Variants in RPL15 observed in about 807,000 individuals in gnomAD.
RPL15 encodes the protein ribosomal protein L15, also known as large ribosomal subunit protein eL15.
For synonymous variants in RPL15, 97 were observed against 95.1 expected (o/e 1.02, Z -0.12); for missense variants, 161 against 271.8 (o/e 0.59, Z 2.87).
chr3:23,919,501 A>T lies in RPL15; in HGVS notation c.615A>T (p.Ter205TyrextTer3). ...RNTLQLHRYR[*>Y] ...CTCTCCAGCTCCACCGTTACCGCTA[A>T]TATAAGTAAAGTTTGTAAAATTCAT... Residue 205 changes from the stop codon to tyrosine (Y), a stop_lost, in exon 4 of 4, where the codon TAA becomes TAT. Transcript: ENST00000307839. 6 of 1,560,756 alleles carry T rather than the reference A, an allele frequency of 3.8e-6. No individual in the cohort carries two copies. Among genetic ancestry groups the T allele is most frequent in the Non-Finnish European group, 5.2e-6 (6 of 1,158,838 alleles).
intron 3 of RPL15, 43 bp from the exon 4 acceptor site, chr3:23,919,153 G>C: frequency 7.4e-7 from 1 of 1,358,248 alleles, no homozygotes; most frequent in South Asian, 1.2e-5. Context: ...TGCTGCTATA[G>C]GCAATGTGGG....
chr3:23,919,871 G>A lies in RPL15; in HGVS notation c.*370G>A. 1 of 1,001,450 alleles carries A rather than the reference G, an allele frequency of 1.0e-6. No individual in the cohort carries two copies. The highest frequency in any genetic ancestry group is 1.2e-6 in the Non-Finnish European group (1 of 840,754). The allele number at this position is 1,001,450 out of a possible 1,614,324, so 62.0% of individuals were successfully genotyped here. A position where few individuals can be genotyped will look rare whatever the true frequency, so the allele number is the denominator to read the frequency against. The stretch of plus-strand genomic sequence containing the variant: ...TCGGAGTGATGGCAATGCTCTGCTG[G>A]TTTATTTTCAAGTGGCTGCGTTTTT... On this transcript the variant is annotated 3_prime_UTR_variant, in exon 4 of 4. Transcript: ENST00000307839.
downstream of RPL15, chr3:23,923,647 T>C (rs1705155158): frequency 6.6e-6 from 1 of 152,210 alleles, no homozygotes; most frequent in Admixed American, 6.5e-5. Flanking sequence ...AAAAGAAAAA[T>C]GTGTGCATAC....
intron 2 of RPL15, 81 bp from the exon 3 acceptor site, chr3:23,918,359 G>T: frequency 6.8e-7 from 1 of 1,462,130 alleles, no homozygotes; most frequent in South Asian, 1.3e-5. Flanking sequence ...TATTTTTGGT[G>T]GAGTATTAGT....
At chr3:23,917,215 A>G (rs531388287) in intron 1 of RPL15, 42 bp downstream of exon 1, 1 of 152,870 alleles carries the variant, frequency 6.5e-6, no homozygotes, top group South Asian at 2.1e-4. Flanking sequence ...TCCGCCTTTG[A>G]TCGTCTTCCT....
chr3:23,921,795 G>C, downstream of RPL15: 1 of 572,092 alleles, frequency 1.7e-6, no homozygotes, highest in Non-Finnish European at 3.1e-6. Flanking sequence ...GGCTGGTCTC[G>C]AACTCCTGAC....
At chr3:23,918,390 G>T in intron 2 of RPL15, 50 bp from the exon 3 acceptor site, 2 of 1,595,496 alleles carry the variant, frequency 1.3e-6, no homozygotes, top group South Asian at 2.2e-5. Flanking sequence ...TGAGTCTTAA[G>T]CCTTACGGCT....
At chr3:23,916,822 G>A (rs1704576581), upstream of RPL15, 1 of 152,770 alleles carries the variant, frequency 6.5e-6, no homozygotes, top group African/African-American at 2.4e-5. Flanking sequence ...CGGCTCCACC[G>A]CGGTACGCGG....
At chr3:23,918,809 A>G (rs1350069149) in intron 3 of RPL15, 1 of 576,402 alleles carries the variant, frequency 1.7e-6, no homozygotes, top group African/African-American at 1.9e-5. Flanking sequence ...CGGCAAGAAT[A>G]TGCAGAAGAG....
chr3:23,920,536 C>G lies in RPL15; in HGVS notation c.*1035C>G. ...TGCATTTCTGTTTGCACCATGTCTT[C>G]CAGGAGACTAGACTACTGTTGTCCA... On this transcript the variant is annotated 3_prime_UTR_variant, in exon 4 of 4. Transcript: ENST00000307839. The G allele has an allele frequency of 1.0e-6, 1 of 985,296 alleles. No individual in the cohort carries two copies. The highest frequency in any genetic ancestry group is 1.2e-6 in the Non-Finnish European group (1 of 829,860). The allele number at this position is 985,296 out of a possible 1,614,324, so 61.0% of individuals were successfully genotyped here.
In RPL15 at chr3:23,919,505, A is replaced by G; in HGVS notation, c.*4A>G. On this transcript the variant is annotated 3_prime_UTR_variant, in exon 4 of 4. Transcript: ENST00000307839. ...CCAGCTCCACCGTTACCGCTAATAT[A>G]AGTAAAGTTTGTAAAATTCATACTT... The G allele has an allele frequency of 1.3e-6, 2 of 1,558,020 alleles. No homozygotes were observed. Among genetic ancestry groups the G allele is most frequent in the Admixed American group, 3.7e-5 (2 of 53,824 alleles).
chr3:23,923,516 G>T (rs1183302995), downstream of RPL15: 1 of 152,154 alleles, frequency 6.6e-6, no homozygotes, highest in African/African-American at 2.4e-5. Flanking sequence ...ACCGTGCCCG[G>T]CTGGAACTTC....
chr3:23,920,020 C>T lies in RPL15; in HGVS notation c.*519C>T. On this transcript the variant is annotated 3_prime_UTR_variant, in exon 4 of 4. Coordinates refer to ENST00000307839, the MANE Select transcript of RPL15 (RefSeq NM_002948.5). ...ACATAAAAGGTGAAAGCTCCTGGTTCAGTGCCATGGCTTCATGGCATTCAG... is the reference window on the plus strand; with the variant it reads ...ACATAAAAGGTGAAAGCTCCTGGTTTAGTGCCATGGCTTCATGGCATTCAG... 1 of 986,520 alleles carries T rather than the reference C, an allele frequency of 1.0e-6. No individual in the cohort carries two copies. The allele number at this position is 986,520 out of a possible 1,614,324, so 61.1% of individuals were successfully genotyped here.
chr3:23,916,835 A>G (rs1704579252), upstream of RPL15: 1 of 152,786 alleles, frequency 6.5e-6, no homozygotes, highest in Non-Finnish European at 1.5e-5. Context: ...GTACGCGGCC[A>G]CCGGCTTTGG....
At position 23,920,619 on chromosome 3, in the gene RPL15, A is replaced by C. The variant is rs1168763669; in HGVS notation, c.*1118A>C. 1 of 984,730 alleles carries C rather than the reference A, an allele frequency of 1.0e-6. No individual in the cohort carries two copies. Among genetic ancestry groups the C allele is most frequent in the Non-Finnish European group, 1.2e-6 (1 of 829,436 alleles). 61.0% of individuals were successfully genotyped at this position (984,730 alleles called of 1,614,324 possible). ...AGGAATTGCCCAATTTTAAATTCTG[A>C]CTTTGCTGACTTAATTTAAATGCTC... On this transcript the variant is annotated 3_prime_UTR_variant, in exon 4 of 4. Transcript: ENST00000307839.
chr3:23,920,665 T>A lies in RPL15; in HGVS notation c.*1164T>A, dbSNP rs770656628. 4.9e-5 allele frequency: 48 copies of A among 985,140 alleles called. No homozygotes were observed. Among genetic ancestry groups the A allele is most frequent in the Non-Finnish European group, 5.5e-5 (46 of 829,766 alleles). 61.0% of individuals were successfully genotyped at this position (985,140 alleles called of 1,614,324 possible). ...TGCTCGTTCTGAACCAATTTTCTCC[T>A]ATCTTCTCTAGGGGTTTCAAAAGAC... On this transcript the variant is annotated 3_prime_UTR_variant, in exon 4 of 4. Coordinates refer to ENST00000307839, the MANE Select transcript of RPL15 (RefSeq NM_002948.5).
Position 23,919,768 on chromosome 3 carries a change from A to T in RPL15, c.*267A>T. 1 of 1,162,538 alleles carries T rather than the reference A, an allele frequency of 8.6e-7. No homozygotes were observed. The highest frequency in any genetic ancestry group is 1.1e-6 in the Non-Finnish European group (1 of 943,218). The allele number at this position is 1,162,538 out of a possible 1,614,324, so 72.0% of individuals were successfully genotyped here. A position where few individuals can be genotyped will look rare whatever the true frequency, so the allele number is the denominator to read the frequency against. ...ACATACTGTGTGGTATAACAGGCTT[A>T]ATAAATTCTTTAAAAGGAGAGAACT... On this transcript the variant is annotated 3_prime_UTR_variant, in exon 4 of 4. Coordinates refer to ENST00000307839, the MANE Select transcript of RPL15 (RefSeq NM_002948.5).
chr3:23,918,164 T>G, intron 2 of RPL15, 133 bp downstream of exon 2: 1 of 1,165,192 alleles, frequency 8.6e-7, no homozygotes, highest in South Asian at 1.6e-5. Context: ...CTAGCAACAC[T>G]GGTCAGTTAC....
intron 2 of RPL15, 37 bp from the exon 3 acceptor site, chr3:23,918,403 C>G: frequency 1.2e-6 from 2 of 1,604,552 alleles, no homozygotes; most frequent in Non-Finnish European, 1.7e-6. Flanking sequence ...TTACGGCTTC[C>G]TATAAAATCA....
Sources: allele counts gnomAD v4.1 joint callset, GRCh38; gene constraint gnomAD v4.1.1; transcripts MANE v1.5; gene names NCBI Gene and HGNC (gene_info 2026-07-23, HGNC 2026-07-21).